The following RBFOX1 variants were observed in gnomAD, a reference collection of about 807,000 sequenced individuals.
RBFOX1 encodes RNA binding protein fox-1 homolog 1.
RBFOX1 carries 8 observed loss-of-function variants against 57.7 expected under a neutral mutation model. The observed-to-expected ratio is 0.14, with a 90% CI of 0.08 to 0.25. The LOEUF (loss-of-function observed/expected upper bound fraction) is 0.25. Among genes scored for constraint, RBFOX1 ranks in the 10% least tolerant of loss-of-function variants. RBFOX1 has a pLI of 1.00. For synonymous variants in RBFOX1, 326 were observed against 222.4 expected (o/e 1.47, Z -4.15); for missense variants, 611 against 548.5 (o/e 1.11, Z -1.14).
At chr16:5,900,125 A>G (rs570315062) in intron 4 of RBFOX1, among the ~76,000 whole-genome samples, 1 of 152,306 alleles carries the variant, frequency 6.6e-6, no homozygotes, top group South Asian at 2.1e-4. Flanking sequence ...AACGTTGTCT[A>G]TGCTTATATT....
intron 1 of RBFOX1, among the ~76,000 whole-genome samples, chr16:6,116,323 C>G (rs1402737082): frequency 1.3e-5 from 2 of 152,100 alleles, no homozygotes; most frequent in Non-Finnish European, 2.9e-5. Flanking sequence ...ATGTAGATGA[C>G]AGGTTGATGG....
intron 3 of RBFOX1, among the ~76,000 whole-genome samples, chr16:6,829,441 G>C (rs149849814): frequency 1.9e-3 from 278 of 145,900 alleles, no homozygotes; most frequent in African/African-American, 6.0e-3. Context: ...TCTTGGGTAA[G>C]TTTTGGGTCT....
At chr16:6,336,616 G>A (rs934191557) in intron 2 of RBFOX1, among the ~76,000 whole-genome samples, 5 of 152,024 alleles carry the variant, frequency 3.3e-5, no homozygotes, top group African/African-American at 9.7e-5. Context: ...CACACCACCC[G>A]GGAGAACTTT....
At chr16:6,481,693 T>C (rs2095373451) in intron 2 of RBFOX1, among the ~76,000 whole-genome samples, 7 of 152,222 alleles carry the variant, frequency 4.6e-5, no homozygotes, top group African/African-American at 1.4e-4. Flanking sequence ...TCATACAAGA[T>C]AACATTAGAA....
At chr16:5,827,087 A>G (rs923232086) in intron 3 of RBFOX1, among the ~76,000 whole-genome samples, 2 of 152,124 alleles carry the variant, frequency 1.3e-5, no homozygotes, top group East Asian at 3.9e-4. Flanking sequence ...TCTCTTTCAC[A>G]CATGAGACCC....
chr16:5,819,657 G>A (rs1486159279), intron 3 of RBFOX1, among the ~76,000 whole-genome samples: 1 of 152,208 alleles, frequency 6.6e-6, no homozygotes. Context: ...TCCAAGTTGT[G>A]TCTCCAGGCC....
chr16:6,920,646 G>A (rs2074261503), intron 3 of RBFOX1, among the ~76,000 whole-genome samples: 1 of 152,192 alleles, frequency 6.6e-6, no homozygotes, highest in Non-Finnish European at 1.5e-5. Flanking sequence ...CTTTGAGGGA[G>A]AATACATTTC....
At chr16:6,696,340 A>G (rs2061043301) in intron 3 of RBFOX1, among the ~76,000 whole-genome samples, 1 of 152,128 alleles carries the variant, frequency 6.6e-6, no homozygotes, top group Non-Finnish European at 1.5e-5. Flanking sequence ...GGAAAAAAAA[A>G]TTTAGACTAG....
At chr16:7,709,317 A>C (rs1043992367) in intron 15 of RBFOX1, among the ~76,000 whole-genome samples, 186 bp downstream of exon 15, 4 of 152,228 alleles carry the variant, frequency 2.6e-5, no homozygotes, top group Non-Finnish European at 5.9e-5. Context: ...TTTCTTGGCA[A>C]TGTAGTGCAT....
chr16:6,561,658 T>G (rs1461350219), intron 2 of RBFOX1, among the ~76,000 whole-genome samples: 1 of 152,256 alleles, frequency 6.6e-6, no homozygotes, highest in African/African-American at 2.4e-5. Context: ...TCCTTTCTTT[T>G]ATTTTATCTT....
chr16:7,394,100 C>G (rs74669269), intron 4 of RBFOX1, among the ~76,000 whole-genome samples: 12,260 of 151,520 alleles, frequency 0.081, 532 homozygotes, highest in East Asian at 0.2. Flanking sequence ...GCCGGGTGTC[C>G]TGGTGCGTGC....
intron 4 of RBFOX1, among the ~76,000 whole-genome samples, chr16:5,956,364 G>T (rs1189233159): frequency 1.3e-5 from 2 of 151,890 alleles, no homozygotes; most frequent in East Asian, 1.9e-4. Context: ...GTATAAATAT[G>T]TTGCAAATTT....
chr16:5,378,432 C>G (rs1028334719), intron 1 of RBFOX1, among the ~76,000 whole-genome samples: 1 of 151,556 alleles, frequency 6.6e-6, no homozygotes, highest in Non-Finnish European at 1.5e-5. Context: ...CCTTCGAACA[C>G]TCCAGGAAGA....
chr16:7,693,462 CTAGAAAGTTTAGT>C (rs2077852944), intron 14 of RBFOX1: 2 of 912,798 alleles, frequency 2.2e-6, no homozygotes, highest in Non-Finnish European at 3.3e-6. Flanking sequence ...GTTGGTCACT[CTAGAAAGTTTAGT>C]TAAGAAAAAA....
chr16:6,955,744 C>A (rs1018009877), intron 3 of RBFOX1, among the ~76,000 whole-genome samples: 1 of 149,704 alleles, frequency 6.7e-6, no homozygotes, highest in Non-Finnish European at 1.5e-5. Context: ...ACTCTTGTTC[C>A]CCAAGCTGGA....
intron 1 of RBFOX1, among the ~76,000 whole-genome samples, chr16:5,368,972 A>G (rs2065793565): frequency 6.6e-6 from 1 of 152,168 alleles, no homozygotes; most frequent in African/African-American, 2.4e-5. Flanking sequence ...TATTATTTTC[A>G]AAAGCATTGA....
chr16:5,501,580 T>C (rs2043199559), intron 2 of RBFOX1, among the ~76,000 whole-genome samples: 1 of 152,164 alleles, frequency 6.6e-6, no homozygotes, highest in Non-Finnish European at 1.5e-5. Context: ...AGTCTCGTTT[T>C]TCCCCTCTGT....
At chr16:6,714,052 T>C (rs747978412) in intron 3 of RBFOX1, among the ~76,000 whole-genome samples, 1 of 152,224 alleles carries the variant, frequency 6.6e-6, no homozygotes, top group Non-Finnish European at 1.5e-5. Context: ...CATTGGATTG[T>C]GGGGGTGGTT....
Position 6,344,407 on chromosome 16 carries a change from C to CTTTTTTTTTTTTTTTTTTT in RBFOX1, c.-64+27362_-64+27363insTTTTTTTTTTTTTTTTTTT, listed in dbSNP as rs60637926. ...TCTCTTCTTCTTTTTTCTTTTTTTT[C>CTTTTTTTTTTTTTTTTTTT]TTTTTTTTTTTTGAGACAGAGTCTC... On this transcript the variant is annotated intron_variant, in intron 2 of 15. Coordinates refer to ENST00000550418, the MANE Select transcript of RBFOX1 (RefSeq NM_018723.4). 4.0e-3 allele frequency among the ~76,000 whole-genome samples: 442 copies of CTTTTTTTTTTTTTTTTTTT among 109,810 alleles called. 8 individuals carry two copies. Among genetic ancestry groups the CTTTTTTTTTTTTTTTTTTT allele is most frequent in the Non-Finnish European group, 5.0e-3 (297 of 59,116 alleles). 72.0% of individuals were successfully genotyped at this position (109,810 alleles called of 152,430 possible). A position where few individuals can be genotyped will look rare whatever the true frequency, so the allele number is the denominator to read the frequency against.
Sources: gnomAD v4.1 joint callset for allele counts (sites outside exome capture counted in the v4.1 genomes callset) on GRCh38, gnomAD v4.1.1 for gene constraint, MANE v1.5 for transcripts, NCBI Gene and HGNC (gene_info 2026-07-23, HGNC 2026-07-21) for gene names.